Variants in ESF1 observed in about 807,000 individuals in gnomAD.
ESF1 encodes ESF1 homolog.
Under a neutral mutation model 92.0 loss-of-function variants are expected in ESF1, and 58 were observed. The ratio of observed to expected loss-of-function variants is 0.63; its 90% CI spans 0.51 to 0.78. The LOEUF is 0.78. Ranked by LOEUF, ESF1 falls within the 30% of genes least tolerant of loss-of-function variation. The probability of loss-of-function intolerance (pLI) is 0.00; values close to 1 mark genes in which losing one functional copy is unlikely to be tolerated. For missense variants in ESF1, 922 were observed against 989.1 expected, an observed-to-expected ratio of 0.93 and a Z score of 0.91; for synonymous variants, 321 against 313.7, an observed-to-expected ratio of 1.02 and a Z score of -0.24.
intron 9 of ESF1, among the ~76,000 whole-genome samples, chr20:13,749,232 A>ATTTTTTTTTTTTTTTTTTTTTTTTTTT (rs71188184): frequency 1.1e-5 from 1 of 89,664 alleles, no homozygotes; most frequent in Non-Finnish European, 2.1e-5. Flanking sequence ...TGCCCGGCTA[A>ATTTTTTTTTTTTTTTTTTTTTTTTTTT]TTTTTTTTTT....
At chr20:13,729,801 G>T (rs1240766201) in intron 10 of ESF1, among the ~76,000 whole-genome samples, 1 of 152,060 alleles carries the variant, frequency 6.6e-6, no homozygotes, top group African/African-American at 2.4e-5. Context: ...AAGTCTGTTG[G>T]TTAAATTTTT....
intron 8 of ESF1, among the ~76,000 whole-genome samples, chr20:13,760,679 G>T (rs1353104966): frequency 2.0e-5 from 3 of 149,662 alleles, no homozygotes. Flanking sequence ...GTCAGCCCCT[G>T]CCAGGCCAGC....
Position 13,782,952 on chromosome 20 carries a change from G to A in ESF1, c.189C>T (p.Ser63=). Reference sequence around the variant, plus strand: ...AAAAACGCTTCAAATCCTCTGTAGTGCTATGGCTAATGGGGCGCCCTCTTT... The same window carrying A: ...AAAAACGCTTCAAATCCTCTGTAGTACTATGGCTAATGGGGCGCCCTCTTT... The part of the protein sequence containing the change: ...VDKRGRPISH[S]TTEDLKRFYD... The change falls in exon 2 of 14, where the codon AGC becomes AGT. Residue 63 remains serine (S), a synonymous_variant. Coordinates refer to ENST00000617257, the MANE Select transcript of ESF1 (RefSeq NM_001276380.2). 1 of 1,614,094 alleles carries A rather than the reference G, an allele frequency of 6.2e-7. No individual in the cohort carries two copies. The highest frequency in any genetic ancestry group is 1.7e-5 in the Admixed American group (1 of 60,028).
At chr20:13,740,947 C>T (rs1007826276) in intron 9 of ESF1, among the ~76,000 whole-genome samples, 8 of 152,094 alleles carry the variant, frequency 5.3e-5, no homozygotes, top group African/African-American at 1.7e-4. Flanking sequence ...TGGCTTGGTG[C>T]ATCCAAGATA....
At chr20:13,784,168 G>C (rs538608405) in intron 1 of ESF1, among the ~76,000 whole-genome samples, 9 of 152,064 alleles carry the variant, frequency 5.9e-5, no homozygotes, top group African/African-American at 2.2e-4. Context: ...AAACATACTA[G>C]AACATATACA....
At chr20:13,783,269 G>C in intron 1 of ESF1, 86 bp from the exon 2 acceptor site, 1 of 962,344 alleles carries the variant, frequency 1.0e-6, no homozygotes, top group Middle Eastern at 3.4e-4. Flanking sequence ...TATATTCTAA[G>C]TTAATATATT....
At chr20:13,734,104 T>C (rs1016048668) in intron 9 of ESF1, among the ~76,000 whole-genome samples, 1 of 152,116 alleles carries the variant, frequency 6.6e-6, no homozygotes, top group African/African-American at 2.4e-5. Flanking sequence ...AGCAACTTGA[T>C]ACATGGTCAA....
rs954446374 is a variant in ESF1, at chr20:13,721,125, T to TA, written c.2039-2142dup. On this transcript the variant is annotated intron_variant, in intron 11 of 13. Transcript: ENST00000617257. ...GCAACAGAGCGAGACTCTGTCTCGA[T>TA]AAAAAAAAAGAAAAGAAATGACTGC... is the stretch of plus-strand genomic sequence containing the variant. 4.2e-4 allele frequency among the ~76,000 whole-genome samples: 63 copies of TA among 150,892 alleles called. 1 individual carries two copies. The highest frequency in any genetic ancestry group is 2.8e-3 in the Admixed American group (42 of 15,144).
chr20:13,779,509 C>T (rs1980087456), intron 2 of ESF1, among the ~76,000 whole-genome samples: 1 of 152,090 alleles, frequency 6.6e-6, no homozygotes, highest in African/African-American at 2.4e-5. Context: ...TTTAATTAAT[C>T]TCTTAATGAT....
chr20:13,733,909 T>A, intron 9 of ESF1, 67 bp from the exon 10 acceptor site: 1 of 1,496,548 alleles, frequency 6.7e-7, no homozygotes, highest in Non-Finnish European at 8.9e-7. Flanking sequence ...AAACATATAA[T>A]TTATAAAGAC....
intron 6 of ESF1, 81 bp from the exon 7 acceptor site, chr20:13,770,102 G>T: frequency 1.3e-6 from 1 of 767,968 alleles, no homozygotes; most frequent in Non-Finnish European, 2.1e-6. Context: ...ATTAGTTGTA[G>T]TTTATACATA....
rs532128558 is a variant in ESF1 at position 13,753,999 on chromosome 20, C to G, written c.1828+5693G>C. Among the ~76,000 whole-genome samples, 27 of 152,312 alleles carry G rather than the reference C, an allele frequency of 1.8e-4. No homozygotes were observed. In the South Asian group the frequency reaches 5.4e-3, roughly 30 times the overall value. On this transcript the variant is annotated intron_variant, in intron 9 of 13. Transcript: ENST00000617257. ...CAACGTGCTTATAATGGAAGCATGT[C>G]TTAGTTTTTGGAAGTTACATTTTGA... is the stretch of plus-strand genomic sequence containing the variant.
At chr20:13,747,723 TTA>T (rs1555823391) in intron 9 of ESF1, among the ~76,000 whole-genome samples, 1 of 151,534 alleles carries the variant, frequency 6.6e-6, no homozygotes, top group Non-Finnish European at 1.5e-5. Flanking sequence ...TGTAGGCATT[TTA>T]TTGTTGTGCA....
At chr20:13,759,943 T>C (rs1979083952) in intron 8 of ESF1, 90 bp from the exon 9 acceptor site, 3 of 1,449,768 alleles carry the variant, frequency 2.1e-6, no homozygotes, top group Non-Finnish European at 2.7e-6. Context: ...TAAAAGATGC[T>C]GTTAGACCAC....
chr20:13,717,638 C>A, intron 12 of ESF1, 124 bp from the exon 13 acceptor site: 1 of 1,014,568 alleles, frequency 9.9e-7, no homozygotes, highest in Non-Finnish European at 1.4e-6. Context: ...CTCTGGGGTA[C>A]CACCTGTTGT....
intron 9 of ESF1, among the ~76,000 whole-genome samples, chr20:13,734,443 T>C (rs1462962933): frequency 6.6e-6 from 1 of 152,210 alleles, no homozygotes; most frequent in Non-Finnish European, 1.5e-5. Context: ...ACCACCAAGT[T>C]CAGATTCCAT....
Position 13,782,636 on chromosome 20 carries a change from T to TC in ESF1, c.504dup (p.Lys169GlufsTer26), listed in dbSNP as rs1176917209. The TC allele has an allele frequency of 1.2e-6, 2 of 1,608,198 alleles. No individual in the cohort carries two copies. Among genetic ancestry groups the TC allele is most frequent in the Non-Finnish European group, 1.7e-6 (2 of 1,178,590 alleles). ...GTAGTATGTTGAACAATGTTTTTTT[T>TC]CTCTTTCTTATTTTTTTGTGTAAAT... On this transcript the variant is annotated frameshift_variant, in exon 2 of 14. Transcript: ENST00000617257. LOFTEE classifies it high-confidence loss of function.
intron 2 of ESF1, among the ~76,000 whole-genome samples, chr20:13,778,497 T>G (rs1369803774): frequency 1.3e-5 from 2 of 152,036 alleles, no homozygotes; most frequent in Admixed American, 1.3e-4. Flanking sequence ...TAAAAGTTAG[T>G]TTTGCTCTAA....
intron 9 of ESF1, among the ~76,000 whole-genome samples, chr20:13,753,687 C>T (rs1978745067): frequency 6.6e-6 from 1 of 152,068 alleles, no homozygotes; most frequent in African/African-American, 2.4e-5. Context: ...TCTATCCCAT[C>T]TCAGAAATTC....
Sources: allele counts gnomAD v4.1 joint callset (sites outside exome capture counted in the v4.1 genomes callset), GRCh38; gene constraint gnomAD v4.1.1; transcripts MANE v1.5; gene names NCBI Gene and HGNC (gene_info 2026-07-23, HGNC 2026-07-21).